Variants in GRIK2 observed in about 807,000 individuals in gnomAD.
GRIK2 encodes glutamate receptor ionotropic, kainate 2.
GRIK2 carries 32 observed loss-of-function variants against 100.3 expected under a neutral mutation model. The observed-to-expected ratio is 0.32, with a 90% CI of 0.24 to 0.43. GRIK2 has a LOEUF of 0.43. GRIK2 is among the 20% of genes least tolerant of loss of function. GRIK2 has a pLI of 1.00. For synonymous variants in GRIK2, 417 were observed against 389.4 expected (o/e 1.07, Z -0.83); for missense variants, 843 against 1,114.9 (o/e 0.76, Z 3.47).
At chr6:101,834,701 G>A (rs1782949108) in intron 10 of GRIK2, among the ~76,000 whole-genome samples, 1 of 151,980 alleles carries the variant, frequency 6.6e-6, no homozygotes, top group South Asian at 2.1e-4. Context: ...GGGAAATTTA[G>A]ACAATTTTGT....
intron 7 of GRIK2, among the ~76,000 whole-genome samples, chr6:101,717,800 T>C (rs1485025099): frequency 6.6e-6 from 1 of 151,794 alleles, no homozygotes; most frequent in Non-Finnish European, 1.5e-5. Context: ...TATTAAATCT[T>C]TATCCTCTAG....
chr6:101,601,120 G>GTTTTTTT (rs34999814), intron 2 of GRIK2, among the ~76,000 whole-genome samples: 1 of 140,336 alleles, frequency 7.1e-6, no homozygotes. Flanking sequence ...AGTTTGTTGA[G>GTTTTTTT]TTTTTTTTTT....
intron 7 of GRIK2, among the ~76,000 whole-genome samples, chr6:101,695,893 T>A (rs1442568850): frequency 6.6e-6 from 1 of 152,096 alleles, no homozygotes; most frequent in Non-Finnish European, 1.5e-5. Context: ...TGGAATTTAT[T>A]GAATGCTGTA....
intron 2 of GRIK2, among the ~76,000 whole-genome samples, chr6:101,465,927 G>C (rs1771622134): frequency 6.6e-6 from 1 of 152,070 alleles, no homozygotes; most frequent in South Asian, 2.1e-4. Flanking sequence ...TTGACTAGAG[G>C]GAGGCAATGT....
chr6:101,609,722 G>C (rs1779589652), intron 2 of GRIK2, among the ~76,000 whole-genome samples: 1 of 151,764 alleles, frequency 6.6e-6, no homozygotes, highest in Non-Finnish European at 1.5e-5. Context: ...GAGGCACCAA[G>C]TTAAGTCCGA....
intron 6 of GRIK2, among the ~76,000 whole-genome samples, chr6:101,685,634 G>A (rs1418061673): frequency 6.6e-6 from 1 of 152,158 alleles, no homozygotes; most frequent in African/African-American, 2.4e-5. Flanking sequence ...TGTGAGACAT[G>A]AGATGAAGGA....
At chr6:101,798,400 G>T (rs1274598148) in intron 7 of GRIK2, among the ~76,000 whole-genome samples, 1 of 151,988 alleles carries the variant, frequency 6.6e-6, no homozygotes, top group Non-Finnish European at 1.5e-5. Flanking sequence ...ATCCTTCAGG[G>T]TATGTGAAAA....
intron 2 of GRIK2, among the ~76,000 whole-genome samples, chr6:101,507,626 A>G (rs1352410975): frequency 2.6e-5 from 4 of 152,226 alleles, no homozygotes; most frequent in African/African-American, 9.6e-5. Context: ...ACAGGATTAT[A>G]ACATGGAGAG....
intron 4 of GRIK2, among the ~76,000 whole-genome samples, chr6:101,668,288 C>T (rs1423647186): frequency 6.6e-6 from 1 of 152,150 alleles, no homozygotes; most frequent in East Asian, 1.9e-4. Flanking sequence ...CGCATCACCA[C>T]CCACCTCCAG....
chr6:101,703,820 GT>G (rs1053791232), intron 7 of GRIK2, among the ~76,000 whole-genome samples: 2 of 150,990 alleles, frequency 1.3e-5, no homozygotes, highest in Non-Finnish European at 3.0e-5. Flanking sequence ...AGCAGGGATT[GT>G]TTATTGCATT....
At chr6:101,866,621 G>C (rs1163548237) in intron 11 of GRIK2, among the ~76,000 whole-genome samples, 1 of 152,002 alleles carries the variant, frequency 6.6e-6, no homozygotes, top group Non-Finnish European at 1.5e-5. Context: ...AAAATCATTA[G>C]TACTTGAGAT....
intron 2 of GRIK2, among the ~76,000 whole-genome samples, chr6:101,456,452 T>C (rs1224562759): frequency 2.6e-5 from 4 of 151,928 alleles, no homozygotes; most frequent in Admixed American, 2.0e-4. Flanking sequence ...CTAGTGAGAG[T>C]TGTCCTGAAA....
chr6:101,656,434 TA>T (rs143875652), intron 4 of GRIK2, among the ~76,000 whole-genome samples: 3 of 151,696 alleles, frequency 2.0e-5, no homozygotes, highest in Non-Finnish European at 2.9e-5. Context: ...GTTTAGAAAT[TA>T]AAAAAAATGA....
At chr6:101,545,987 TCTC>T (rs1401611089) in intron 2 of GRIK2, among the ~76,000 whole-genome samples, 2 of 152,020 alleles carry the variant, frequency 1.3e-5, no homozygotes, top group East Asian at 3.9e-4. Context: ...CTTTTTTCAT[TCTC>T]CTGCATCCAG....
chr6:101,418,651 G>T (rs953727151), intron 2 of GRIK2, among the ~76,000 whole-genome samples: 1 of 152,156 alleles, frequency 6.6e-6, no homozygotes, highest in African/African-American at 2.4e-5. Flanking sequence ...AGGCAGGGAA[G>T]GAAGGTGGGA....
chr6:101,809,866 G>T (rs566566385), intron 9 of GRIK2, among the ~76,000 whole-genome samples: 3 of 151,898 alleles, frequency 2.0e-5, no homozygotes, highest in Non-Finnish European at 4.4e-5. Flanking sequence ...AGTGTGTATA[G>T]TTATTATTTT....
chr6:101,841,428 A>G (rs145226420), intron 10 of GRIK2, among the ~76,000 whole-genome samples: 479 of 151,754 alleles, frequency 3.2e-3, no homozygotes, highest in Admixed American at 6.1e-3. Context: ...CAGTGGAGCA[A>G]TCTCAGCCCA....
chr6:101,978,899 A>G lies in GRIK2; in HGVS notation c.2085+50267A>G, dbSNP rs1463839321. Among the ~76,000 whole-genome samples, 3 of 151,986 alleles carry G rather than the reference A, an allele frequency of 2.0e-5. No homozygotes were observed. The East Asian group carries it at 5.8e-4, about 30-fold the overall frequency. On this transcript the variant is annotated intron_variant, in intron 14 of 16. Transcript: ENST00000369134. ...CCCCTCTCCCCCAGTTTCTAATACT[A>G]CTTAATGGCAGACAAATGGATATAT...
At chr6:101,563,873 T>A (rs1397586872) in intron 2 of GRIK2, among the ~76,000 whole-genome samples, 1 of 151,844 alleles carries the variant, frequency 6.6e-6, no homozygotes, top group Non-Finnish European at 1.5e-5. Flanking sequence ...TTATTTTCTT[T>A]TATGGGAAAA....
Sources: allele counts gnomAD v4.1 joint callset (sites outside exome capture counted in the v4.1 genomes callset), GRCh38; gene constraint gnomAD v4.1.1; transcripts MANE v1.5; gene names NCBI Gene and HGNC (gene_info 2026-07-23, HGNC 2026-07-21).